ROR1: variants seen among roughly 807,000 people sequenced by gnomAD.
ROR1 encodes the protein inactive tyrosine-protein kinase transmembrane receptor ROR1.
A neutral mutation model predicts 78.8 loss-of-function variants in ROR1; 19 were observed. The observed-to-expected ratio is 0.24, with a 90% CI of 0.17 to 0.35. ROR1 has a LOEUF of 0.35. Among genes scored for constraint, ROR1 ranks in the 10% least tolerant of loss-of-function variants. The pLI, the probability that ROR1 is intolerant of heterozygous loss-of-function variation, is 1.00. For synonymous variants in ROR1, 386 were observed against 433.6 expected, an observed-to-expected ratio of 0.89 and a Z score of 1.36; for missense variants, 917 against 1,177.8, an observed-to-expected ratio of 0.78 and a Z score of 3.24.
intron 1 of ROR1, among the ~76,000 whole-genome samples, chr1:63,971,042 T>C (rs113014277): frequency 0.025 from 3,856 of 152,334 alleles, 165 homozygotes; most frequent in African/African-American, 0.088. Context: ...CCCTGGTTGC[T>C]GGAGGACCCA....
intron 4 of ROR1, among the ~76,000 whole-genome samples, chr1:64,074,584 A>G (rs866639306): frequency 1.3e-5 from 2 of 152,220 alleles, no homozygotes; most frequent in African/African-American, 4.8e-5. Context: ...GTGGGTTTTG[A>G]CAAATAGAGG....
intron 1 of ROR1, among the ~76,000 whole-genome samples, chr1:63,864,494 T>C (rs1400247823): frequency 6.6e-6 from 1 of 152,150 alleles, no homozygotes; most frequent in African/African-American, 2.4e-5. Flanking sequence ...CATTTATGAG[T>C]CCATGTGTGT....
chr1:63,870,369 T>C (rs184607709), intron 1 of ROR1, among the ~76,000 whole-genome samples: 45 of 152,290 alleles, frequency 3.0e-4, no homozygotes, highest in African/African-American at 1.1e-3. Context: ...GTGGTGAGAA[T>C]AGGAATTAGG....
chr1:63,851,435 A>T (rs1045353639), intron 1 of ROR1, among the ~76,000 whole-genome samples: 3 of 152,158 alleles, frequency 2.0e-5, no homozygotes, highest in Admixed American at 1.3e-4. Context: ...CTTAATTGGT[A>T]TTGAGAACAG....
At chr1:63,949,364 G>A (rs180998539) in intron 1 of ROR1, among the ~76,000 whole-genome samples, 41 of 152,270 alleles carry the variant, frequency 2.7e-4, no homozygotes, top group African/African-American at 9.9e-4. Context: ...CCTGAGTGGA[G>A]GTAATGGGGT....
At chr1:63,876,663 TGTGTGTGTGTGTGTGTGTGCGC>T (rs1557539601) in intron 1 of ROR1, among the ~76,000 whole-genome samples, 1 of 127,762 alleles carries the variant, frequency 7.8e-6, no homozygotes, top group Non-Finnish European at 1.5e-5. Context: ...TGTGTGTGTG[TGTGTGTGTGTGTGTGTGTGCGC>T]GTGTGTGTGT....
chr1:64,044,957 C>T (rs189785249), intron 2 of ROR1, among the ~76,000 whole-genome samples: 23 of 152,186 alleles, frequency 1.5e-4, no homozygotes, highest in Admixed American at 7.2e-4. Context: ...ATTTTGAAAA[C>T]GAACGTAACT....
chr1:64,111,413 C>G (rs548357041), intron 4 of ROR1: 1 of 152,170 alleles, frequency 6.6e-6, no homozygotes, highest in South Asian at 2.1e-4. Flanking sequence ...AGTGCTAATC[C>G]AGTTGACTTG....
At chr1:63,943,714 A>G (rs1351578271) in intron 1 of ROR1, among the ~76,000 whole-genome samples, 2 of 152,214 alleles carry the variant, frequency 1.3e-5, no homozygotes, top group African/African-American at 4.8e-5. Context: ...ATTTGATTAT[A>G]GGTAGAGGCA....
In ROR1 at chr1:63,774,634, G is replaced by A. The variant is rs1346876573; in HGVS notation, c.91+126G>A. The A allele has an allele frequency of 1.9e-5, 7 of 369,550 alleles. No individual in the cohort carries two copies. Among genetic ancestry groups the A allele is most frequent in the South Asian group, 1.2e-4 (1 of 8,552 alleles). 22.9% of individuals were successfully genotyped at this position (369,550 alleles called of 1,614,324 possible). On this transcript the variant is annotated intron_variant, in intron 1 of 8. Transcript: ENST00000371079. This position sits in a 1 kb window ranked among gnomAD's most constrained non-coding sequence, Gnocchi z 5.7. Reference sequence around the variant, plus strand: ...GGCTCCGGGGCGCGTCCGGCCACCCGCCACGGGGCTCGCCGGCGCCGCCAG... The same window carrying A: ...GGCTCCGGGGCGCGTCCGGCCACCCACCACGGGGCTCGCCGGCGCCGCCAG...
chr1:64,105,826 T>C (rs1647776244), intron 4 of ROR1: 1 of 152,272 alleles, frequency 6.6e-6, no homozygotes, highest in African/African-American at 2.4e-5. Context: ...TATGTTTGTT[T>C]TGGTACCAGT....
intron 1 of ROR1, among the ~76,000 whole-genome samples, chr1:63,794,460 C>T (rs1333583300): frequency 2.6e-5 from 4 of 152,196 alleles, no homozygotes; most frequent in South Asian, 2.1e-4. Context: ...CTGGCTTCCC[C>T]GGCCTCCAGC....
chr1:63,812,412 C>A (rs982986083), intron 1 of ROR1, among the ~76,000 whole-genome samples: 3 of 152,186 alleles, frequency 2.0e-5, no homozygotes, highest in Admixed American at 2.0e-4. Context: ...AAAATATTTA[C>A]TAGCTAGCCC....
At chr1:63,946,673 G>T (rs1394774107) in intron 1 of ROR1, among the ~76,000 whole-genome samples, 1 of 152,170 alleles carries the variant, frequency 6.6e-6, no homozygotes, top group African/African-American at 2.4e-5. Flanking sequence ...ACTATTAAGG[G>T]TCAGAGGTAG....
At chr1:63,799,786 G>C (rs1022332178) in intron 1 of ROR1, among the ~76,000 whole-genome samples, 1 of 152,106 alleles carries the variant, frequency 6.6e-6, no homozygotes, top group Non-Finnish European at 1.5e-5. Flanking sequence ...TCAGCACATT[G>C]AGCCTGGCAC....
intron 2 of ROR1, among the ~76,000 whole-genome samples, chr1:64,039,738 T>C (rs1183404448): frequency 6.6e-6 from 1 of 152,202 alleles, no homozygotes; most frequent in Non-Finnish European, 1.5e-5. Flanking sequence ...TCTGTTTGTG[T>C]TGGCCCAAAG....
At chr1:63,936,963 T>A (rs912788023) in intron 1 of ROR1, among the ~76,000 whole-genome samples, 4 of 152,178 alleles carry the variant, frequency 2.6e-5, no homozygotes, top group Non-Finnish European at 5.9e-5. Flanking sequence ...GACAACTTTA[T>A]CTCATCAATA....
chr1:64,145,636 A>G (rs1649453135), intron 7 of ROR1, among the ~76,000 whole-genome samples: 1 of 152,174 alleles, frequency 6.6e-6, no homozygotes, highest in Admixed American at 6.5e-5. Flanking sequence ...TTTGCACTTC[A>G]TTTATGACAT....
chr1:63,785,320 A>C (rs1644677329), intron 1 of ROR1, among the ~76,000 whole-genome samples: 1 of 152,008 alleles, frequency 6.6e-6, no homozygotes, highest in African/African-American at 2.4e-5. Context: ...GGACTGTATT[A>C]GCCTTTCATA....
Sources: gnomAD v4.1 joint callset for allele counts (sites outside exome capture counted in the v4.1 genomes callset) on GRCh38, gnomAD v4.1.1 for gene constraint, Gnocchi (gnomAD v3.1) non-coding constraint, MANE v1.5 for transcripts, NCBI Gene and HGNC (gene_info 2026-07-23, HGNC 2026-07-21) for gene names.